DMD: variants seen among roughly 807,000 people sequenced by gnomAD.
DMD encodes mutant dystrophin.
Under a neutral mutation model 330.1 loss-of-function variants are expected in DMD, and 63 were observed. The ratio of observed to expected loss-of-function variants is 0.19; its 90% confidence interval spans 0.16 to 0.24. DMD has a LOEUF of 0.24. DMD is among the 10% of genes least tolerant of loss of function. The pLI is 1.00. For missense variants in DMD, 3,344 were observed against 2,684.1 expected (o/e 1.25, Z -5.43); for synonymous variants, 1,223 against 959.8 (o/e 1.27, Z -5.07).
intron 7 of DMD, among the ~76,000 whole-genome samples, chrX:32,701,221 T>C (rs1389876890): frequency 8.9e-6 from 1 of 112,021 alleles, no homozygotes; most frequent in Non-Finnish European, 1.9e-5. Flanking sequence ...ACATTACTTA[T>C]AAGCAGACTG....
intron 44 of DMD, among the ~76,000 whole-genome samples, chrX:32,130,482 C>G (rs2096686566): frequency 9.0e-6 from 1 of 111,370 alleles, no homozygotes. Flanking sequence ...TAGATCATAT[C>G]ACATAACTCC....
Position 31,627,851 on chromosome X carries a change from C to G in DMD, c.8039G>C (p.Arg2680Pro). ...WRSIHKRVSEREAALEETHRL... is the reference protein window; with the variant it reads ...WRSIHKRVSEPEAALEETHRL... ...ATGAGTTTCTTCCAAAGCAGCCTCT[C>G]GCTCACTCACCCTGCAAAGGACCAA... The change falls in exon 55 of 79, where the codon CGA (arginine) becomes CCA (proline). Residue 2680 changes from arginine (R) to proline (P), a missense_variant. Physicochemically the swap from Arg to Pro is moderately radical, Grantham distance 103 (BLOSUM62 -2). Coordinates refer to ENST00000357033, the MANE Select transcript of DMD (RefSeq NM_004006.3). The G allele has an allele frequency of 8.3e-7, 1 of 1,207,519 alleles. No homozygotes were observed. The highest frequency in any genetic ancestry group is 1.1e-6 in the Non-Finnish European group (1 of 893,314).
intron 2 of DMD, among the ~76,000 whole-genome samples, chrX:33,016,501 T>C (rs1404758662): frequency 9.0e-6 from 1 of 111,508 alleles, no homozygotes; most frequent in East Asian, 2.8e-4. Context: ...ATCTCGTTAT[T>C]GGGCCACAAG....
At chrX:33,044,769 C>T (rs1349610162) in intron 1 of DMD, among the ~76,000 whole-genome samples, 2 of 112,009 alleles carry the variant, frequency 1.8e-5, no homozygotes, top group East Asian at 5.7e-4. Context: ...TAAATTTATT[C>T]TGCGTTCAAT....
intron 55 of DMD, among the ~76,000 whole-genome samples, chrX:31,617,287 C>T (rs1410414078): frequency 3.6e-5 from 4 of 111,406 alleles, no homozygotes; most frequent in African/African-American, 6.5e-5. Flanking sequence ...GTAATCTCAG[C>T]GTTTTGGGAG....
At chrX:32,481,519 C>T (rs1260294337) in intron 21 of DMD, among the ~76,000 whole-genome samples, 2 of 111,722 alleles carry the variant, frequency 1.8e-5, no homozygotes, top group Non-Finnish European at 3.8e-5. Flanking sequence ...AGCAATTCTA[C>T]CCTCATCTTG....
intron 60 of DMD, among the ~76,000 whole-genome samples, chrX:31,387,351 TTG>T (rs1454811798): frequency 2.7e-5 from 3 of 111,977 alleles, no homozygotes; most frequent in Non-Finnish European, 1.9e-5. Flanking sequence ...CTTTTTGAAC[TTG>T]TCTAGTAAGG....
intron 39 of DMD, among the ~76,000 whole-genome samples, chrX:32,344,821 G>A (rs1325327667): frequency 9.0e-6 from 1 of 111,429 alleles, no homozygotes; most frequent in East Asian, 2.8e-4. Context: ...CTGAAAGCTT[G>A]CTCACAGTTG....
At chrX:32,299,961 T>C (rs141490783) in intron 42 of DMD, among the ~76,000 whole-genome samples, 1 of 111,893 alleles carries the variant, frequency 8.9e-6, no homozygotes, top group African/African-American at 3.2e-5. Context: ...TCATGTCTTA[T>C]ATATTTTTGC....
At chrX:32,372,272 G>A (rs1417113167) in intron 34 of DMD, among the ~76,000 whole-genome samples, 1 of 111,885 alleles carries the variant, frequency 8.9e-6, no homozygotes, top group Non-Finnish European at 1.9e-5. Flanking sequence ...TATGTCCTAT[G>A]TGTCAGGCAA....
chrX:31,196,386 T>TAA (rs2042887889), intron 67 of DMD, among the ~76,000 whole-genome samples: 1 of 111,001 alleles, frequency 9.0e-6, no homozygotes, highest in Admixed American at 9.6e-5. Flanking sequence ...TAGTTACTAG[T>TAA]GAGTATTCAT....
Position 32,204,976 on chromosome X carries a change from ATCTCTC to A in DMD, c.6438+11934_6438+11939del, listed in dbSNP as rs200970973. On this transcript the variant is annotated intron_variant, in intron 44 of 78. Coordinates refer to ENST00000357033, the MANE Select transcript of DMD (RefSeq NM_004006.3). ...TTCGGAGGTGATAAACATCCAAGCCATCTCTCTCTCTCTCTCTCTCTCTCTCTCTCA... is the reference window on the plus strand; with the variant it reads ...TTCGGAGGTGATAAACATCCAAGCCATCTCTCTCTCTCTCTCTCTCTCTCA... Among the ~76,000 whole-genome samples the A allele has an allele frequency of 6.8e-4, 31 of 45,311 alleles. No individual in the cohort carries two copies. In the South Asian group the frequency reaches 0.016, roughly 24 times the overall value. 39.3% of individuals were successfully genotyped at this position (45,311 alleles called of 115,157 possible). A position where few individuals can be genotyped will look rare whatever the true frequency, so the allele number is the denominator to read the frequency against.
intron 50 of DMD, among the ~76,000 whole-genome samples, chrX:31,778,573 T>TTTTA (rs1167789943): frequency 2.2e-5 from 2 of 92,258 alleles, no homozygotes; most frequent in African/African-American, 8.1e-5. Context: ...AAATTTTTTT[T>TTTTA]TTTTTTTTTT....
intron 55 of DMD, among the ~76,000 whole-genome samples, chrX:31,542,453 T>C (rs1374560298): frequency 8.9e-6 from 1 of 112,246 alleles, no homozygotes; most frequent in African/African-American, 3.2e-5. Flanking sequence ...AAATTACTTA[T>C]CTGTATCTCT....
chrX:31,845,903 G>A (rs1277471977), intron 48 of DMD, among the ~76,000 whole-genome samples: 3 of 111,526 alleles, frequency 2.7e-5, no homozygotes, highest in African/African-American at 9.8e-5. Flanking sequence ...GTGCAGATTA[G>A]GGGTAAGGCT....
At chrX:32,451,738 C>T (rs1204855199) in intron 26 of DMD, among the ~76,000 whole-genome samples, 2 of 110,569 alleles carry the variant, frequency 1.8e-5, no homozygotes, top group Non-Finnish European at 3.8e-5. Context: ...CAAATGAGCA[C>T]AGGTAGAAGT....
chrX:32,098,713 T>A (rs1478897690), intron 44 of DMD, among the ~76,000 whole-genome samples: 1 of 112,053 alleles, frequency 8.9e-6, no homozygotes, highest in Non-Finnish European at 1.9e-5. Flanking sequence ...CTTTACCTTC[T>A]CTTATTCTCC....
intron 44 of DMD, among the ~76,000 whole-genome samples, chrX:32,196,986 CAAAA>C (rs71872245): frequency 6.0e-5 from 3 of 49,640 alleles, no homozygotes; most frequent in African/African-American, 2.9e-4. Flanking sequence ...GACTCCATCT[CAAAA>C]AAAAAAAAAA....
At chrX:33,106,155 T>G (rs760223450) in intron 1 of DMD, among the ~76,000 whole-genome samples, 1 of 110,866 alleles carries the variant, frequency 9.0e-6, no homozygotes, top group East Asian at 2.9e-4. Context: ...AACTGGAGGT[T>G]ATTATTCTAA....
Sources: gnomAD v4.1 joint callset for allele counts (sites outside exome capture counted in the v4.1 genomes callset) on GRCh38, gnomAD v4.1.1 for gene constraint, MANE v1.5 for transcripts, NCBI Gene and HGNC (gene_info 2026-07-23, HGNC 2026-07-21) for gene names.